The following TP73 variants were observed in gnomAD, a reference collection of about 807,000 sequenced individuals.
The protein encoded by TP73 is p53-like transcription factor.
A neutral mutation model predicts 62.5 loss-of-function variants in TP73; 25 were observed. That is an observed-to-expected ratio of 0.40 (90% confidence interval 0.29 to 0.56). TP73 has a LOEUF of 0.56. Among genes scored for constraint, TP73 ranks in the 20% least tolerant of loss-of-function variants. The pLI, the probability that TP73 is intolerant of heterozygous loss-of-function variation, is 0.46. For synonymous variants in TP73, 423 were observed against 377.5 expected, an observed-to-expected ratio of 1.12 and a Z score of -1.40; for missense variants, 754 against 913.3, an observed-to-expected ratio of 0.83 and a Z score of 2.25.
At chr1:3,726,901 C>CGATGGGTGGGTG (rs1553146658) in intron 6 of TP73, among the ~76,000 whole-genome samples, 1 of 147,474 alleles carries the variant, frequency 6.8e-6, no homozygotes, top group Non-Finnish European at 1.5e-5. Flanking sequence ...TAAATGGGTT[C>CGATGGGTGGGTG]GATGGATGGA....
chr1:3,705,261 C>T (rs893496369), intron 3 of TP73, among the ~76,000 whole-genome samples: 22 of 152,334 alleles, frequency 1.4e-4, no homozygotes, highest in East Asian at 5.8e-4. Flanking sequence ...GTCTTATGGC[C>T]GAGGAAGAGG....
At chr1:3,690,815 A>AC (rs1304711593) in intron 3 of TP73, 3 of 1,539,632 alleles carry the variant, frequency 1.9e-6, no homozygotes, top group East Asian at 4.9e-5. Context: ...GGCGGCCACG[A>AC]CCGTGACCCT....
In TP73 at chr1:3,666,769, C is replaced by T. The variant is rs568184397; in HGVS notation, c.-34+14128C>T. 7.2e-5 allele frequency among the ~76,000 whole-genome samples: 11 copies of T among 152,266 alleles called. No homozygotes were observed. Among genetic ancestry groups the T allele is most frequent in the East Asian group, 1.9e-4 (1 of 5,184 alleles). ...CGGTGGGGATGGTGCTCTGAGCAGA[C>T]GCGACTCAGTGCCATGCGGGCGTCT... is the stretch of plus-strand genomic sequence containing the variant. On this transcript the variant is annotated intron_variant, in intron 1 of 13. Coordinates refer to ENST00000378295, the MANE Select transcript of TP73 (RefSeq NM_005427.4). This position sits in a 1 kb window ranked among gnomAD's most constrained non-coding sequence, Gnocchi z 6.4.
At chr1:3,717,960 G>C (rs1640742855) in intron 4 of TP73, among the ~76,000 whole-genome samples, 1 of 152,222 alleles carries the variant, frequency 6.6e-6, no homozygotes. Flanking sequence ...GGGGAGGAGA[G>C]CCAGGCCCAG....
Position 3,730,073 on chromosome 1 carries a change from C to T in TP73, c.1270C>T (p.Leu424=), listed in dbSNP as rs2124537676. The T allele has an allele frequency of 6.2e-7, 1 of 1,602,772 alleles. No homozygotes were observed. Among genetic ancestry groups the T allele is most frequent in the Non-Finnish European group, 8.5e-7 (1 of 1,175,434 alleles). The part of the protein sequence containing the change: ...MNKVHGGMNK[L]PSVNQLVGQP... ...CAAGGTGCACGGGGGCATGAACAAGCTGCCCTCCGTCAACCAGCTGGTGGG... is the reference window on the plus strand; with the variant it reads ...CAAGGTGCACGGGGGCATGAACAAGTTGCCCTCCGTCAACCAGCTGGTGGG... The change falls in exon 11 of 14, where the codon CTG becomes TTG. Residue 424 remains leucine (L), a synonymous_variant. Coordinates refer to ENST00000378295, the MANE Select transcript of TP73 (RefSeq NM_005427.4).
At chr1:3,678,016 G>C (rs1183217527) in intron 1 of TP73, among the ~76,000 whole-genome samples, 2 of 152,184 alleles carry the variant, frequency 1.3e-5, no homozygotes, top group East Asian at 1.9e-4. Context: ...ATCCCTCCTA[G>C]ACTAAATCTT....
chr1:3,678,404 C>T (rs1391509174), intron 1 of TP73, among the ~76,000 whole-genome samples: 9 of 152,226 alleles, frequency 5.9e-5, no homozygotes, highest in Admixed American at 5.9e-4. Flanking sequence ...GCCCAGTACT[C>T]CCAGATGCCT....
chr1:3,659,796 C>G (rs1644951545), intron 1 of TP73, among the ~76,000 whole-genome samples: 1 of 152,072 alleles, frequency 6.6e-6, no homozygotes, highest in Admixed American at 6.6e-5. Flanking sequence ...ATTCTCCTGC[C>G]TCAGCCTCCT....
rs1314352658 is a variant in TP73 at position 3,701,462 on chromosome 1, C to A, written c.187-6087C>A. 1.3e-5 allele frequency among the ~76,000 whole-genome samples: 2 copies of A among 152,110 alleles called. No homozygotes were observed. ...AGTCTCAGGTTACCATACTTCTGGA[C>A]CCTCTTGATCCCCACAACCATCCTA... On this transcript the variant is annotated intron_variant, in intron 3 of 13. Coordinates refer to ENST00000378295, the MANE Select transcript of TP73 (RefSeq NM_005427.4). The surrounding 1 kb of genome is among the most constrained non-coding windows in gnomAD (Gnocchi z 4.7).
intron 1 of TP73, among the ~76,000 whole-genome samples, chr1:3,654,753 T>C (rs10910001): frequency 0.13 from 19,316 of 152,118 alleles, 2,128 homozygotes; most frequent in African/African-American, 0.29. Context: ...GGGATGGCAG[T>C]GAGGCAGGCA....
intron 1 of TP73, among the ~76,000 whole-genome samples, chr1:3,681,875 ACACTTGTTC>A (rs1645530474): frequency 9.2e-6 from 1 of 108,700 alleles, no homozygotes; most frequent in Admixed American, 1.0e-4. Flanking sequence ...CAGGCCTCAC[ACACTTGTTC>A]CGGCCCAAGC....
chr1:3,664,876 C>G (rs1165567405), intron 1 of TP73, among the ~76,000 whole-genome samples: 1 of 152,136 alleles, frequency 6.6e-6, no homozygotes, highest in African/African-American at 2.4e-5. Context: ...CCTGTGAATC[C>G]GATGACCGAG....
At chr1:3,674,927 C>T (rs1645331704) in intron 1 of TP73, among the ~76,000 whole-genome samples, 1 of 152,204 alleles carries the variant, frequency 6.6e-6, no homozygotes, top group Admixed American at 6.5e-5. Context: ...GGGGGCTCTT[C>T]TGGGTTCTGG....
At chr1:3,729,939 G>A (rs1641996504) in intron 10 of TP73, 61 bp from the exon 11 acceptor site, 2 of 1,519,094 alleles carry the variant, frequency 1.3e-6, no homozygotes, top group East Asian at 4.7e-5. Context: ...ACGGGCATGG[G>A]TGGTCGGTGG....
rs1009654088 is a variant in TP73, at chr1:3,727,682, C to A, written c.897C>A (p.Gly299=). Residue 299 remains glycine, a synonymous_variant, in exon 8 of 14, where the codon GGC becomes GGA. Coordinates refer to ENST00000378295, the MANE Select transcript of TP73 (RefSeq NM_005427.4). ...AGGGCCGCATCTGCGCCTGTCCTGG[C>A]CGCGACCGAAAAGCTGATGAGGACC... ...SFEGRICACP[G]RDRKADEDHY... 6.3e-6 allele frequency: 10 copies of A among 1,594,658 alleles called. No homozygotes were observed. The highest frequency in any genetic ancestry group is 1.7e-4 in the Middle Eastern group (1 of 6,052).
intron 3 of TP73, chr1:3,690,595 C>T (rs546920940): frequency 3.0e-5 from 38 of 1,255,998 alleles, no homozygotes; most frequent in African/African-American, 2.1e-4. Flanking sequence ...AACACATCAC[C>T]GGGCAAGCTG....
rs1003176289 is a variant in TP73 at position 3,733,364 on chromosome 1, C to T, written c.*285C>T. 10 of 498,780 alleles carry T rather than the reference C, an allele frequency of 2.0e-5. No individual in the cohort carries two copies. Among genetic ancestry groups the T allele is most frequent in the South Asian group, 9.5e-5 (3 of 31,696 alleles). The allele number at this position is 498,780 out of a possible 1,614,324, so 30.9% of individuals were successfully genotyped here. ...ACTCTCAGCCCTGCCACTGCCCCGG[C>T]GTGCTCCATGGCAGGCGTGGGTGGG... is the stretch of plus-strand genomic sequence containing the variant. On this transcript the variant is annotated 3_prime_UTR_variant, in exon 14 of 14. Coordinates refer to ENST00000378295, the MANE Select transcript of TP73 (RefSeq NM_005427.4).
intron 1 of TP73, among the ~76,000 whole-genome samples, chr1:3,654,909 G>A (rs1286159677): frequency 3.9e-5 from 6 of 152,220 alleles, no homozygotes; most frequent in African/African-American, 1.4e-4. Context: ...TGAAAGGCAC[G>A]GCTAAAGTGG....
intron 4 of TP73, among the ~76,000 whole-genome samples, chr1:3,713,109 C>T (rs971702023): frequency 6.6e-6 from 1 of 152,218 alleles, no homozygotes; most frequent in Non-Finnish European, 1.5e-5. Flanking sequence ...TGTACCTTGG[C>T]CCCCATGAGC....
Sources: allele counts gnomAD v4.1 joint callset (sites outside exome capture counted in the v4.1 genomes callset), GRCh38; gene constraint gnomAD v4.1.1; non-coding constraint Gnocchi (gnomAD v3.1); transcripts MANE v1.5; gene names NCBI Gene and HGNC (gene_info 2026-07-23, HGNC 2026-07-21).